The following CLEC19A variants were observed in gnomAD, a reference collection of about 807,000 sequenced individuals.
CLEC19A encodes the protein C-type lectin domain family 19 member A.
CLEC19A carries 21 observed loss-of-function variants against 26.1 expected under a neutral mutation model. The ratio of observed to expected loss-of-function variants is 0.80; its 90% CI spans 0.57 to 1.16. The LOEUF (loss-of-function observed/expected upper bound fraction) is 1.16. Among genes scored for constraint, CLEC19A ranks in the 50% most tolerant of loss-of-function variants. CLEC19A has a pLI of 0.00. For synonymous variants in CLEC19A, 89 were observed against 88.6 expected, an observed-to-expected ratio of 1.00 and a Z score of -0.03; for missense variants, 224 against 227.6, an observed-to-expected ratio of 0.98 and a Z score of 0.10.
chr16:19,300,910 A>G (rs1897805467), intron 2 of CLEC19A, among the ~76,000 whole-genome samples: 1 of 152,170 alleles, frequency 6.6e-6, no homozygotes, highest in African/African-American at 2.4e-5. Flanking sequence ...CGAGGGGGAA[A>G]GAAATACTCT....
chr16:19,298,707 C>A lies in CLEC19A; in HGVS notation c.123C>A (p.Pro41=). The change falls in exon 2 of 5, where the codon CCC becomes CCA. Residue 41 remains proline, a synonymous_variant. Coordinates refer to ENST00000636231, the MANE Select transcript of CLEC19A (RefSeq NM_001256720.2). ...LPELPLPSLC[P]LFWMEFKGHC... ...AGCTGCCCCTGCCTTCCCTGTGCCC[C>A]CTGTTCTGGATGGAGTTCAAAGGCC... 1 of 1,551,170 alleles carries A rather than the reference C, an allele frequency of 6.4e-7. No homozygotes were observed. The highest frequency in any genetic ancestry group is 8.7e-7 in the Non-Finnish European group (1 of 1,147,124).
At chr16:19,301,756 T>TTTTTTTTTTTTTTTTTTTTG (rs1897837910) in intron 2 of CLEC19A, among the ~76,000 whole-genome samples, 1 of 132,498 alleles carries the variant, frequency 7.5e-6, no homozygotes, top group Non-Finnish European at 1.6e-5. Flanking sequence ...TTTTTTTTTT[T>TTTTTTTTTTTTTTTTTTTTG]TTTTTTTTGT....
At chr16:19,301,423 G>A (rs1897818779) in intron 2 of CLEC19A, among the ~76,000 whole-genome samples, 3 of 152,226 alleles carry the variant, frequency 2.0e-5, no homozygotes, top group South Asian at 2.1e-4. Context: ...GACAGTATGA[G>A]CATTGATTAA....
chr16:19,293,957 G>T (rs184095572), intron 1 of CLEC19A, among the ~76,000 whole-genome samples: 1 of 151,632 alleles, frequency 6.6e-6, no homozygotes, highest in East Asian at 1.9e-4. Flanking sequence ...AAGTATTGTT[G>T]ACTGTAGTCA....
intron 3 of CLEC19A, chr16:19,304,396 T>TAAAAA (rs35007845): frequency 3.1e-5 from 6 of 196,644 alleles, no homozygotes; most frequent in South Asian, 8.0e-5. Context: ...TGGGTTCTCT[T>TAAAAA]AAAAAAAAAA....
chr16:19,290,132 T>C (rs1597079032), intron 1 of CLEC19A, among the ~76,000 whole-genome samples: 1 of 149,520 alleles, frequency 6.7e-6, no homozygotes, highest in African/African-American at 2.5e-5. Context: ...TTAAAAAGAG[T>C]GGGGGTGGGG....
intron 1 of CLEC19A, among the ~76,000 whole-genome samples, chr16:19,295,884 C>T (rs1897695739): frequency 6.6e-6 from 1 of 152,148 alleles, no homozygotes; most frequent in South Asian, 2.1e-4. Context: ...CAACACCCAG[C>T]GTTACAAAGG....
chr16:19,292,578 G>A (rs1249009872), intron 1 of CLEC19A, among the ~76,000 whole-genome samples: 4 of 152,152 alleles, frequency 2.6e-5, no homozygotes, highest in Non-Finnish European at 4.4e-5. Context: ...CACCTACTAC[G>A]TGCCAAGGCA....
chr16:19,296,581 T>C lies in CLEC19A; in HGVS notation c.89-2092T>C, dbSNP rs188071807. On this transcript the variant is annotated intron_variant, in intron 1 of 4. Coordinates refer to ENST00000636231, the MANE Select transcript of CLEC19A (RefSeq NM_001256720.2). ...GCTAATTTCCCATCATGAAGCATCA[T>C]GCCAACTTTATGAGCAAAAACTTGG... Among the ~76,000 whole-genome samples, 269 of 152,294 alleles carry C rather than the reference T, an allele frequency of 1.8e-3. 2 individuals are homozygous for C. The highest frequency in any genetic ancestry group is 2.9e-3 in the Admixed American group (44 of 15,294).
At position 19,289,747 on chromosome 16, in the gene CLEC19A, G is replaced by C. The variant is rs527291845; in HGVS notation, c.88+3808G>C. Among the ~76,000 whole-genome samples, 5 of 152,344 alleles carry C rather than the reference G, an allele frequency of 3.3e-5. No individual in the cohort carries two copies. The South Asian group carries it at 1.0e-3, about 32-fold the overall frequency. The stretch of plus-strand genomic sequence containing the variant: ...CATGTGGCCTCAGGAGTGGCTCACA[G>C]AAGGGGCAGCAAAGCTTAGATAGGA... On this transcript the variant is annotated intron_variant, in intron 1 of 4. Transcript: ENST00000636231.
At chr16:19,292,058 A>T (rs1209224488) in intron 1 of CLEC19A, among the ~76,000 whole-genome samples, 7 of 152,112 alleles carry the variant, frequency 4.6e-5, no homozygotes, top group Admixed American at 1.3e-4. Flanking sequence ...AGTCTTTAAG[A>T]CCAAGGACCC....
At chr16:19,299,880 T>C (rs1360735314) in intron 2 of CLEC19A, among the ~76,000 whole-genome samples, 1 of 152,170 alleles carries the variant, frequency 6.6e-6, no homozygotes. Context: ...GAAACTACTT[T>C]AGAAAGGGGG....
chr16:19,288,919 C>G (rs1278167686), intron 1 of CLEC19A, among the ~76,000 whole-genome samples: 2 of 152,282 alleles, frequency 1.3e-5, no homozygotes, highest in Non-Finnish European at 2.9e-5. Flanking sequence ...CATCCAAGAG[C>G]CTGGCATTGC....
chr16:19,309,004 C>A lies in CLEC19A; in HGVS notation c.482C>A (p.Ala161Asp). ...CVQIWYRPTSALRSWNDNTCS... is the reference protein window; with the variant it reads ...CVQIWYRPTSDLRSWNDNTCS... ...GATTCTCTGCTTCTTTCCATCACAG[C>A]TCTGAGGTCATGGAATGATAACACC... The change falls in exon 5 of 5, where the codon GCT becomes GAT. Residue 161 changes from alanine (A) to aspartate (D), a missense_variant and splice_region_variant. Coordinates refer to ENST00000636231, the MANE Select transcript of CLEC19A (RefSeq NM_001256720.2). 2 of 1,548,166 alleles carry A rather than the reference C, an allele frequency of 1.3e-6. No homozygotes were observed. Among genetic ancestry groups the A allele is most frequent in the Non-Finnish European group, 1.7e-6 (2 of 1,146,582 alleles).
chr16:19,290,784 C>T (rs1368630056), intron 1 of CLEC19A, among the ~76,000 whole-genome samples: 1 of 152,166 alleles, frequency 6.6e-6, no homozygotes, highest in Non-Finnish European at 1.5e-5. Context: ...TGGCATGATA[C>T]ACATCCACAA....
At chr16:19,287,410 C>T (rs1401788541) in intron 1 of CLEC19A, among the ~76,000 whole-genome samples, 3 of 152,136 alleles carry the variant, frequency 2.0e-5, no homozygotes, top group African/African-American at 7.2e-5. Context: ...GGTCCCCCCT[C>T]CCAATACCAT....
intron 1 of CLEC19A, 26 bp from the exon 2 acceptor site, chr16:19,298,647 C>T (rs1257072797): frequency 1.3e-6 from 2 of 1,549,412 alleles, no homozygotes; most frequent in East Asian, 2.4e-5. Context: ...AACCTTCCTC[C>T]CAGTCTGTTT....
intron 1 of CLEC19A, among the ~76,000 whole-genome samples, chr16:19,288,687 T>C (rs1322205930): frequency 6.6e-6 from 1 of 152,212 alleles, no homozygotes; most frequent in Non-Finnish European, 1.5e-5. Context: ...TTAATGAATG[T>C]AAAGTCCTCA....
intron 4 of CLEC19A, 64 bp from the exon 5 acceptor site, chr16:19,308,940 G>A (rs1597091218): frequency 7.5e-7 from 1 of 1,324,844 alleles, no homozygotes; most frequent in African/African-American, 1.5e-5. Flanking sequence ...CAGAGGAGTG[G>A]TGGGGTTACT....
Sources: gnomAD v4.1 joint callset for allele counts (sites outside exome capture counted in the v4.1 genomes callset) on GRCh38, gnomAD v4.1.1 for gene constraint, MANE v1.5 for transcripts, NCBI Gene and HGNC (gene_info 2026-07-23, HGNC 2026-07-21) for gene names.